The following CYP26A1 variants were observed in gnomAD, a reference collection of about 807,000 sequenced individuals.
CYP26A1 encodes the protein cytochrome P450 family 26 subfamily A member 1.
A neutral mutation model predicts 47.4 loss-of-function variants in CYP26A1; 46 were observed. That is an observed-to-expected ratio of 0.97 (90% CI 0.77 to 1.24). CYP26A1 has a LOEUF of 1.24. Ranked by LOEUF, CYP26A1 falls within the 50% of genes most tolerant of loss-of-function variation. The pLI is 0.00. For missense variants in CYP26A1, 680 were observed against 644.4 expected, an observed-to-expected ratio of 1.06 and a Z score of -0.60; for synonymous variants, 277 against 263.7, an observed-to-expected ratio of 1.05 and a Z score of -0.49.
Position 93,077,262 on chromosome 10 carries a change from C to A in CYP26A1, c.1452C>A (p.Asp484Glu). The part of the protein sequence containing the change: ...MKTSPTVYPV[D>E]NLPARFTHFH... ...CCAGTCCCACCGTGTATCCTGTGGACAATCTCCCTGCAAGATTCACCCATT... is the reference window on the plus strand; with the variant it reads ...CCAGTCCCACCGTGTATCCTGTGGAAAATCTCCCTGCAAGATTCACCCATT... Residue 484 changes from aspartate (D) to glutamate (E), a missense_variant, in exon 7 of 7, where the codon GAC (aspartate) becomes GAA (glutamate). Physicochemically the swap from Asp to Glu is conservative, Grantham distance 45. Transcript: ENST00000224356. 1.3e-6 allele frequency: 2 copies of A among 1,565,500 alleles called. No individual in the cohort carries two copies. The highest frequency in any genetic ancestry group is 1.7e-6 in the Non-Finnish European group (2 of 1,153,768).
chr10:93,074,995 G>A lies in CYP26A1; in HGVS notation c.631G>A (p.Val211Met). ...CGACGGGGACTCCGAGCAGCAGCTT[G>A]TGGAGGCCTTCGAGGAAATGACCCG... Reference protein sequence around the residue: ...AGDGDSEQQLVEAFEEMTRNL... With the variant: ...AGDGDSEQQLMEAFEEMTRNL... The change falls in exon 3 of 7, where the codon GTG becomes ATG. Residue 211 changes from valine (V) to methionine (M), a missense_variant. Coordinates refer to ENST00000224356, the MANE Select transcript of CYP26A1 (RefSeq NM_000783.4). The surrounding 1 kb of genome is among the most constrained non-coding windows in gnomAD (Gnocchi z 5.3). 1 of 1,613,100 alleles carries A rather than the reference G, an allele frequency of 6.2e-7. No homozygotes were observed. Among genetic ancestry groups the A allele is most frequent in the South Asian group, 1.1e-5 (1 of 91,084 alleles).
chr10:93,073,665 T>C, upstream of CYP26A1: 1 of 504,818 alleles, frequency 2.0e-6, no homozygotes, highest in Non-Finnish European at 3.5e-6. Context: ...GGGCAGCTCC[T>C]AGCCCCGCAC....
chr10:93,073,761 C>T, upstream of CYP26A1: 1 of 569,038 alleles, frequency 1.8e-6, no homozygotes, highest in Non-Finnish European at 3.1e-6. Flanking sequence ...TGGGCAGCGC[C>T]TCGCGGGGGG....
upstream of CYP26A1, chr10:93,073,729 C>A (rs920726091): frequency 9.1e-6 from 5 of 547,214 alleles, no homozygotes; most frequent in African/African-American, 2.0e-5. Flanking sequence ...TGCCTCGGCG[C>A]GGAACAAACG....
upstream of CYP26A1, chr10:93,073,680 G>A: frequency 1.9e-6 from 1 of 523,758 alleles, no homozygotes; most frequent in Non-Finnish European, 3.3e-6. Flanking sequence ...CCGCACCCCA[G>A]GAGGCGCGCT....
In CYP26A1 at chr10:93,077,475, A is replaced by G. The variant is rs1371309560; in HGVS notation, c.*171A>G. On this transcript the variant is annotated 3_prime_UTR_variant, in exon 7 of 7. Transcript: ENST00000224356. ...AAATAATGAATTTGTATCATTTCCA[A>G]ATAAAGTAAAATTTGAAGGTACTTT... The G allele has an allele frequency of 1.6e-5, 6 of 386,620 alleles. No individual in the cohort carries two copies. Among genetic ancestry groups the G allele is most frequent in the Non-Finnish European group, 2.7e-5 (6 of 222,480 alleles). The allele number at this position is 386,620 out of a possible 1,614,324, so 23.9% of individuals were successfully genotyped here. A position where few individuals can be genotyped will look rare whatever the true frequency, so the allele number is the denominator to read the frequency against.
rs760626207 is a variant in CYP26A1, at chr10:93,075,221, G to A, written c.778G>A (p.Ala260Thr). The change falls in exon 4 of 7, where the codon GCA becomes ACA. Residue 260 changes from alanine to threonine, a missense_variant. By Grantham distance (58) the Ala-to-Thr change is moderately conservative. Transcript: ENST00000224356. ...NIRAKICGLR[A>T]SEAGQGCKDA... ...TCGCGCCAAGATCTGCGGGCTGCGGGCATCCGAGGCGGGCCAGGGCTGCAA... is the reference window on the plus strand; with the variant it reads ...TCGCGCCAAGATCTGCGGGCTGCGGACATCCGAGGCGGGCCAGGGCTGCAA... 4.3e-6 allele frequency: 7 copies of A among 1,614,024 alleles called. No homozygotes were observed. The highest frequency in any genetic ancestry group is 3.3e-4 in the Middle Eastern group (2 of 6,062).
In CYP26A1 at chr10:93,074,549, A is replaced by T; in HGVS notation, c.414+17A>T. On this transcript the variant is annotated intron_variant, in intron 2 of 6. Transcript: ENST00000224356. This position sits in a 1 kb window ranked among gnomAD's most constrained non-coding sequence, Gnocchi z 5.3. ...CGCAAGAAGGTGGGGGCAGGAGGCG[A>T]CGGCTGGACAGGGAGGGGGACCCCA... 2.0e-6 allele frequency: 3 copies of T among 1,482,554 alleles called. No homozygotes were observed. The highest frequency in any genetic ancestry group is 2.8e-6 in the Non-Finnish European group (3 of 1,060,966). 91.8% of individuals were successfully genotyped at this position (1,482,554 alleles called of 1,614,324 possible). A position where few individuals can be genotyped will look rare whatever the true frequency, so the allele number is the denominator to read the frequency against.
At position 93,077,705 on chromosome 10, in the gene CYP26A1, A is replaced by G. The variant is rs1445126585; in HGVS notation, c.*401A>G. 6.5e-6 allele frequency: 1 copy of G among 153,014 alleles called. No homozygotes were observed. Among genetic ancestry groups the G allele is most frequent in the Non-Finnish European group, 1.5e-5 (1 of 68,658 alleles). The allele number at this position is 153,014 out of a possible 1,614,324, so 9.5% of individuals were successfully genotyped here. A position where few individuals can be genotyped will look rare whatever the true frequency, so the allele number is the denominator to read the frequency against. ...TGTTATTCCAGACGTATCTCTGTAA[A>G]TTCTTCTACAGTCACTTAGATTCCC... On this transcript the variant is annotated 3_prime_UTR_variant, in exon 7 of 7. Coordinates refer to ENST00000224356, the MANE Select transcript of CYP26A1 (RefSeq NM_000783.4).
At chr10:93,076,237 A>G (rs1055485882) in intron 5 of CYP26A1, 2 of 378,266 alleles carry the variant, frequency 5.3e-6, no homozygotes, top group Non-Finnish European at 9.6e-6. Flanking sequence ...ACTTTCTTGA[A>G]TTGGTGTGTC....
intron 5 of CYP26A1, 84 bp from the exon 6 acceptor site, chr10:93,076,460 C>T: frequency 1.1e-6 from 1 of 908,768 alleles, no homozygotes; most frequent in Non-Finnish European, 1.7e-6. Context: ...GGTTTAGTCT[C>T]CACTTAAGCC....
upstream of CYP26A1, chr10:93,073,703 G>A: frequency 1.9e-6 from 1 of 530,736 alleles, no homozygotes. Context: ...GAGGGAAGCC[G>A]CCACCGCGCC....
Position 93,077,360 on chromosome 10 carries a change from G to T in CYP26A1, c.*56G>T. On this transcript the variant is annotated 3_prime_UTR_variant, in exon 7 of 7. Coordinates refer to ENST00000224356, the MANE Select transcript of CYP26A1 (RefSeq NM_000783.4). ...TGGAAGTGTACATATGAGTTTTTAA[G>T]GAGTGTTGTGTTGACTTTATATTTA... 1 of 963,090 alleles carries T rather than the reference G, an allele frequency of 1.0e-6. No individual in the cohort carries two copies. The highest frequency in any genetic ancestry group is 1.5e-6 in the Non-Finnish European group (1 of 672,808). The allele number at this position is 963,090 out of a possible 1,614,324, so 59.7% of individuals were successfully genotyped here. A position where few individuals can be genotyped will look rare whatever the true frequency, so the allele number is the denominator to read the frequency against.
Position 93,074,437 on chromosome 10 carries a change from C to A in CYP26A1, c.319C>A (p.Leu107Met). Reference protein sequence around the residue: ...VRRILLGEHRLVSVHWPASVR... With the variant: ...VRRILLGEHRMVSVHWPASVR... ...GCGCATCTTGCTCGGAGAGCACCGGCTGGTGTCGGTCCACTGGCCAGCGTC... is the reference window on the plus strand; with the variant it reads ...GCGCATCTTGCTCGGAGAGCACCGGATGGTGTCGGTCCACTGGCCAGCGTC... Residue 107 changes from leucine (L) to methionine (M), a missense_variant, in exon 2 of 7, where the codon CTG becomes ATG. Physicochemically the swap from Leu to Met is conservative, Grantham distance 15. Coordinates refer to ENST00000224356, the MANE Select transcript of CYP26A1 (RefSeq NM_000783.4). This position sits in a 1 kb window ranked among gnomAD's most constrained non-coding sequence, Gnocchi z 5.3. 6.2e-7 allele frequency: 1 copy of A among 1,611,374 alleles called. No individual in the cohort carries two copies. Among genetic ancestry groups the A allele is most frequent in the Non-Finnish European group, 8.5e-7 (1 of 1,178,276 alleles).
chr10:93,076,308 G>A (rs1163633534), intron 5 of CYP26A1: 1 of 400,790 alleles, frequency 2.5e-6, no homozygotes, highest in Non-Finnish European at 4.5e-6. Context: ...GTGTGGGGTG[G>A]GGGGGCGTGG....
At position 93,075,968 on chromosome 10, in the gene CYP26A1, G is replaced by C. The variant is rs374621068; in HGVS notation, c.999+8G>C. ...GAAGAGCTGAAGAGTAAGGTAGGGA[G>C]ACTGGGTCTGGGGGTGTCCTTATTA... On this transcript the variant is annotated splice_region_variant and intron_variant, in intron 5 of 6. Coordinates refer to ENST00000224356, the MANE Select transcript of CYP26A1 (RefSeq NM_000783.4). 7.8e-5 allele frequency: 126 copies of C among 1,611,014 alleles called. No homozygotes were observed. The highest frequency in any genetic ancestry group is 7.2e-4 in the Admixed American group (43 of 60,022).
In CYP26A1 at chr10:93,076,944, G is replaced by A; in HGVS notation, c.1153-19G>A. On this transcript the variant is annotated intron_variant, in intron 6 of 6. Transcript: ENST00000224356. ...AAATTCCAGTTTGTCAGCCCTTGGG[G>A]TTTCATAATCTTTTGCAGGGATACC... 1 of 1,485,868 alleles carries A rather than the reference G, an allele frequency of 6.7e-7. No homozygotes were observed. Among genetic ancestry groups the A allele is most frequent in the Non-Finnish European group, 9.2e-7 (1 of 1,088,810 alleles). 92.0% of individuals were successfully genotyped at this position (1,485,868 alleles called of 1,614,324 possible). A position where few individuals can be genotyped will look rare whatever the true frequency, so the allele number is the denominator to read the frequency against.
At chr10:93,073,719 T>C (rs1236709440), upstream of CYP26A1, 2 of 539,330 alleles carry the variant, frequency 3.7e-6, no homozygotes, top group Non-Finnish European at 6.5e-6. Flanking sequence ...GCGCCGCCTC[T>C]GCCTCGGCGC....
At chr10:93,073,500 G>A (rs560154775), upstream of CYP26A1, 104 of 179,896 alleles carry the variant, frequency 5.8e-4, 1 homozygote, top group African/African-American at 2.3e-3. Context: ...GAAAGCCAGT[G>A]AAGGCTGCTT....
Sources: gnomAD v4.1 joint callset for allele counts on GRCh38, gnomAD v4.1.1 for gene constraint, Gnocchi (gnomAD v3.1) non-coding constraint, MANE v1.5 for transcripts, NCBI Gene and HGNC (gene_info 2026-07-23, HGNC 2026-07-21) for gene names.